Variants in TEC observed in about 807,000 individuals in gnomAD.
TEC encodes the protein tyrosine-protein kinase Tec.
Under a neutral mutation model 93.0 loss-of-function variants are expected in TEC, and 72 were observed. The ratio of observed to expected loss-of-function variants is 0.77; its 90% CI spans 0.64 to 0.94. TEC has a LOEUF of 0.94. Among genes scored for constraint, TEC ranks in the 40% least tolerant of loss-of-function variants. The pLI, the probability that TEC is intolerant of heterozygous loss-of-function variation, is 0.00. For missense variants in TEC, 630 were observed against 757.9 expected, an observed-to-expected ratio of 0.83 and a Z score of 1.98; for synonymous variants, 249 against 247.7, an observed-to-expected ratio of 1.01 and a Z score of -0.05.
At chr4:48,156,213 T>C (rs530242193) in intron 9 of TEC, among the ~76,000 whole-genome samples, 15 of 152,316 alleles carry the variant, frequency 9.8e-5, no homozygotes, top group Admixed American at 7.2e-4. Flanking sequence ...GCAAGAGTGA[T>C]GTAACCTTGA....
chr4:48,162,079 CCTGA>C (rs1369314379), intron 8 of TEC, among the ~76,000 whole-genome samples: 1 of 152,120 alleles, frequency 6.6e-6, no homozygotes, highest in East Asian at 1.9e-4. Context: ...TCTAGAGAAC[CCTGA>C]CTAATACAAT....
intron 1 of TEC, among the ~76,000 whole-genome samples, chr4:48,236,320 C>T (rs1298572755): frequency 6.6e-6 from 1 of 151,418 alleles, no homozygotes; most frequent in Non-Finnish European, 1.5e-5. Flanking sequence ...CTCGCTCTGT[C>T]GCCCAGACTG....
At chr4:48,168,650 A>C (rs1720974306) in intron 5 of TEC, 24 bp from the exon 6 acceptor site, 10 of 1,598,420 alleles carry the variant, frequency 6.3e-6, no homozygotes, top group Non-Finnish European at 8.5e-6. Context: ...CAACAAAAAC[A>C]GATTAAAATG....
At chr4:48,238,479 A>G (rs1156326729) in intron 1 of TEC, among the ~76,000 whole-genome samples, 2 of 152,050 alleles carry the variant, frequency 1.3e-5, no homozygotes, top group African/African-American at 4.8e-5. Context: ...ACAAAAGGCA[A>G]AAGTTGAAAG....
chr4:48,265,513 ATAT>A (rs1358929246), intron 1 of TEC, among the ~76,000 whole-genome samples: 4 of 89,850 alleles, frequency 4.5e-5, no homozygotes, highest in Admixed American at 1.1e-4. Context: ...ATATATATAT[ATAT>A]TTTTTTTTTT....
chr4:48,175,639 C>T (rs1256373068), intron 3 of TEC, among the ~76,000 whole-genome samples: 1 of 152,072 alleles, frequency 6.6e-6, no homozygotes, highest in Non-Finnish European at 1.5e-5. Flanking sequence ...CTTGGAGAAG[C>T]TATTTAACAG....
At chr4:48,218,525 T>G (rs1233932887) in intron 2 of TEC, among the ~76,000 whole-genome samples, 4 of 152,134 alleles carry the variant, frequency 2.6e-5, no homozygotes, top group Admixed American at 2.6e-4. Flanking sequence ...GTACAAGAAA[T>G]TATTCTTTTC....
At chr4:48,250,005 C>T (rs542085851) in intron 1 of TEC, among the ~76,000 whole-genome samples, 51 of 152,314 alleles carry the variant, frequency 3.3e-4, no homozygotes, top group Non-Finnish European at 6.9e-4. Context: ...TCCAGCTGAG[C>T]CATCTATAGG....
intron 2 of TEC, among the ~76,000 whole-genome samples, chr4:48,193,176 T>G (rs1330651275): frequency 7.0e-6 from 1 of 142,536 alleles, no homozygotes; most frequent in Non-Finnish European, 1.5e-5. Flanking sequence ...TTTTTTTTTT[T>G]AAGAGATAGG....
At chr4:48,141,184 T>C (rs17470892) in intron 15 of TEC, among the ~76,000 whole-genome samples, 171 bp downstream of exon 15, 48,424 of 152,018 alleles carry the variant, frequency 0.32, 8,424 homozygotes, top group Non-Finnish European at 0.39. Context: ...TAACAGGCTA[T>C]ACTACCACCT....
chr4:48,151,675 C>T (rs758138961), intron 9 of TEC, among the ~76,000 whole-genome samples: 4 of 152,122 alleles, frequency 2.6e-5, no homozygotes, highest in Non-Finnish European at 5.9e-5. Context: ...TCAGTAGAGC[C>T]GGGGTTTCAC....
intron 2 of TEC, among the ~76,000 whole-genome samples, chr4:48,192,286 T>C (rs1722119554): frequency 6.6e-6 from 1 of 152,220 alleles, no homozygotes; most frequent in Non-Finnish European, 1.5e-5. Flanking sequence ...TCTAGAATTC[T>C]AGAACATGCA....
At chr4:48,263,764 C>T (rs1310993756) in intron 1 of TEC, among the ~76,000 whole-genome samples, 3 of 152,144 alleles carry the variant, frequency 2.0e-5, no homozygotes, top group Admixed American at 1.3e-4. Context: ...CAGTAATCTA[C>T]GTACCACCCA....
Position 48,145,134 on chromosome 4 carries a change from T to C in TEC, c.1415A>G (p.Asp472Gly). The change falls in exon 14 of 18, where the codon GAT becomes GGT. Residue 472 changes from aspartate to glycine, a missense_variant. Coordinates refer to ENST00000381501, the MANE Select transcript of TEC (RefSeq NM_003215.3). ...CAGATACTCCATCCCTTCACACACATCCTGACACATGCTCAGCAGTACGTC... is the reference window on the plus strand; with the variant it reads ...CAGATACTCCATCCCTTCACACACACCCTGACACATGCTCAGCAGTACGTC... Reference protein sequence around the residue: ...SRDVLLSMCQDVCEGMEYLER... With the variant: ...SRDVLLSMCQGVCEGMEYLER... The C allele has an allele frequency of 6.2e-7, 1 of 1,614,018 alleles. No individual in the cohort carries two copies. The highest frequency in any genetic ancestry group is 8.5e-7 in the Non-Finnish European group (1 of 1,179,938).
At chr4:48,230,245 C>T (rs769897292) in intron 1 of TEC, among the ~76,000 whole-genome samples, 22 of 152,200 alleles carry the variant, frequency 1.4e-4, no homozygotes, top group Non-Finnish European at 2.2e-4. Flanking sequence ...CCAACACCTC[C>T]AATGCACCCT....
At chr4:48,206,780 A>C (rs1266131222) in intron 2 of TEC, among the ~76,000 whole-genome samples, 62 of 67,396 alleles carry the variant, frequency 9.2e-4, no homozygotes, top group African/African-American at 4.5e-3. Context: ...GTTGCTACAA[A>C]AAAAAAAAAA....
At chr4:48,162,888 A>G (rs1720732157) in intron 8 of TEC, among the ~76,000 whole-genome samples, 1 of 152,212 alleles carries the variant, frequency 6.6e-6, no homozygotes, top group East Asian at 1.9e-4. Flanking sequence ...GTGGGTATAT[A>G]AATAATACAA....
At chr4:48,198,697 TG>T (rs1722387750) in intron 2 of TEC, among the ~76,000 whole-genome samples, 1 of 152,148 alleles carries the variant, frequency 6.6e-6, no homozygotes, top group African/African-American at 2.4e-5. Flanking sequence ...TCTCTTTTGG[TG>T]GTCTAATTTA....
intron 1 of TEC, among the ~76,000 whole-genome samples, chr4:48,252,449 A>G (rs1471539490): frequency 6.6e-6 from 1 of 152,174 alleles, no homozygotes; most frequent in East Asian, 1.9e-4. Context: ...AGAAATGAGC[A>G]CAGAACCAGA....
Sources: gnomAD v4.1 joint callset for allele counts (sites outside exome capture counted in the v4.1 genomes callset) on GRCh38, gnomAD v4.1.1 for gene constraint, MANE v1.5 for transcripts, NCBI Gene and HGNC (gene_info 2026-07-23, HGNC 2026-07-21) for gene names.